Variants in PTPN2 observed in about 807,000 individuals in gnomAD.
The protein encoded by PTPN2 is tyrosine-protein phosphatase non-receptor type 2.
In PTPN2, 19 loss-of-function variants were observed where a neutral mutation model predicts 57.3. The ratio of observed to expected loss-of-function variants is 0.33; its 90% CI spans 0.23 to 0.49. The LOEUF is 0.49. Among genes scored for constraint, PTPN2 ranks in the 20% least tolerant of loss-of-function variants. The pLI is 0.99. For synonymous variants in PTPN2, 153 were observed against 164.9 expected (o/e 0.93, Z 0.55); for missense variants, 358 against 501.1 (o/e 0.71, Z 2.73).
chr18:12,808,327 A>T (rs1306996719), intron 7 of PTPN2, among the ~76,000 whole-genome samples: 1 of 151,982 alleles, frequency 6.6e-6, no homozygotes, highest in Non-Finnish European at 1.5e-5. Flanking sequence ...TTAAATAGAG[A>T]TTTCAAAATA....
chr18:12,871,524 G>A (rs1027368422), intron 1 of PTPN2, among the ~76,000 whole-genome samples: 1 of 151,522 alleles, frequency 6.6e-6, no homozygotes, highest in Non-Finnish European at 1.5e-5. Flanking sequence ...GTTATATATT[G>A]AAAATATTTA....
chr18:12,795,361 T>C (rs1301042934), intron 8 of PTPN2, among the ~76,000 whole-genome samples: 1 of 152,200 alleles, frequency 6.6e-6, no homozygotes, highest in Non-Finnish European at 1.5e-5. Flanking sequence ...TGGCACGATC[T>C]TGGCTCACTG....
chr18:12,879,865 A>G (rs1480349359), intron 1 of PTPN2, among the ~76,000 whole-genome samples: 1 of 152,182 alleles, frequency 6.6e-6, no homozygotes, highest in Non-Finnish European at 1.5e-5. Flanking sequence ...AAAAAGCACA[A>G]CTCTTCAAAA....
In PTPN2 at chr18:12,792,887, G is replaced by A. The variant is rs543114496; in HGVS notation, c.*1391C>T. Reference sequence around the variant, plus strand: ...ATTACAGGCATGAGCCACCGCGCCCGACCAAACTGTTTTTAAATGATAACT... The same window carrying A: ...ATTACAGGCATGAGCCACCGCGCCCAACCAAACTGTTTTTAAATGATAACT... On this transcript the variant is annotated 3_prime_UTR_variant, in exon 9 of 9. Coordinates refer to ENST00000309660, the MANE Select transcript of PTPN2 (RefSeq NM_002828.4). 6 of 979,480 alleles carry A rather than the reference G, an allele frequency of 6.1e-6. No homozygotes were observed. The highest frequency in any genetic ancestry group is 2.3e-4 in the East Asian group (2 of 8,800). The allele number at this position is 979,480 out of a possible 1,614,324, so 60.7% of individuals were successfully genotyped here. A position where few individuals can be genotyped will look rare whatever the true frequency, so the allele number is the denominator to read the frequency against.
chr18:12,787,037 A>G (rs1201291209), intron 9 of PTPN2: 3 of 152,224 alleles, frequency 2.0e-5, no homozygotes, highest in African/African-American at 4.8e-5. Flanking sequence ...TTTTTAAAAT[A>G]AGCAACTCAA....
chr18:12,849,811 T>C (rs1163115985), intron 2 of PTPN2, among the ~76,000 whole-genome samples: 1 of 152,136 alleles, frequency 6.6e-6, no homozygotes, highest in Non-Finnish European at 1.5e-5. Context: ...CTCTTCAGAC[T>C]CTACTTCTGC....
chr18:12,848,847 T>A (rs954113499), intron 2 of PTPN2, among the ~76,000 whole-genome samples: 1 of 152,244 alleles, frequency 6.6e-6, no homozygotes. Flanking sequence ...ATACTTTTAT[T>A]CCTCTTACTG....
At position 12,797,118 on chromosome 18, in the gene PTPN2, T is replaced by C. The variant is rs917631906; in HGVS notation, c.1041-2633A>G. On this transcript the variant is annotated intron_variant, in intron 8 of 8. Coordinates refer to ENST00000309660, the MANE Select transcript of PTPN2 (RefSeq NM_002828.4). ...AAATTCACTATCACAAATATGCATG[T>C]ACCTGTTAGTGAAAACATTTGTGTT... 2.6e-5 allele frequency among the ~76,000 whole-genome samples: 4 copies of C among 152,232 alleles called. No individual in the cohort carries two copies. In the South Asian group the frequency reaches 6.2e-4, roughly 24 times the overall value.
At chr18:12,839,805 G>A (rs1568133880) in intron 2 of PTPN2, among the ~76,000 whole-genome samples, 1 of 151,950 alleles carries the variant, frequency 6.6e-6, no homozygotes. Flanking sequence ...TTCTGACAAG[G>A]AGTCCCTTCA....
intron 8 of PTPN2, among the ~76,000 whole-genome samples, chr18:12,797,717 C>T (rs1385509278): frequency 6.6e-6 from 1 of 152,092 alleles, no homozygotes; most frequent in South Asian, 2.1e-4. Context: ...CAGGTTTTCC[C>T]GTATATTTAT....
At chr18:12,794,900 G>C (rs2041112114) in intron 8 of PTPN2, among the ~76,000 whole-genome samples, 1 of 152,204 alleles carries the variant, frequency 6.6e-6, no homozygotes, top group Non-Finnish European at 1.5e-5. Context: ...TGAGATTACA[G>C]GTGTGAGCCA....
intron 1 of PTPN2, among the ~76,000 whole-genome samples, chr18:12,876,294 A>AC (rs1190202871): frequency 4.2e-5 from 6 of 142,480 alleles, no homozygotes; most frequent in Non-Finnish European, 9.1e-5. Context: ...GAACAACAAC[A>AC]AAAAGAAGAA....
chr18:12,796,812 C>T (rs1056095782), intron 8 of PTPN2, among the ~76,000 whole-genome samples: 9 of 152,190 alleles, frequency 5.9e-5, no homozygotes, highest in African/African-American at 2.2e-4. Context: ...TATCTTGCTC[C>T]ACCCCCTCTA....
chr18:12,831,843 G>A (rs2042680363), intron 3 of PTPN2, among the ~76,000 whole-genome samples: 1 of 152,210 alleles, frequency 6.6e-6, no homozygotes, highest in South Asian at 2.1e-4. Flanking sequence ...AATATTTCAT[G>A]TATTTCCAAT....
chr18:12,795,013 G>T (rs1287644255), intron 8 of PTPN2, among the ~76,000 whole-genome samples: 1 of 152,114 alleles, frequency 6.6e-6, no homozygotes, highest in African/African-American at 2.4e-5. Context: ...CTTTTAGTGG[G>T]ACCTGAAAAT....
intron 1 of PTPN2, among the ~76,000 whole-genome samples, chr18:12,870,333 A>ACG (rs2044168172): frequency 1.6e-5 from 1 of 61,936 alleles, no homozygotes; most frequent in Non-Finnish European, 2.7e-5. Flanking sequence ...ATATATATGT[A>ACG]TATATATACA....
At chr18:12,809,128 A>G (rs2041802446) in intron 7 of PTPN2, among the ~76,000 whole-genome samples, 1 of 152,184 alleles carries the variant, frequency 6.6e-6, no homozygotes, top group Non-Finnish European at 1.5e-5. Context: ...AACACCCTCC[A>G]GCATGCCTCT....
rs190333376 is a variant in PTPN2 at position 12,865,092 on chromosome 18, G to A, written c.70-5838C>T. ...TCAAGAGAATCACAGAATTCAGAAG[G>A]ATATCTTTAAGCAGACATTCATAGA... On this transcript the variant is annotated intron_variant, in intron 1 of 8. Transcript: ENST00000309660. Among the ~76,000 whole-genome samples, 49 of 152,208 alleles carry A rather than the reference G, an allele frequency of 3.2e-4. 1 individual carries two copies. The highest frequency in any genetic ancestry group is 8.3e-4 in the South Asian group (4 of 4,832).
chr18:12,839,004 T>C (rs914076852), intron 2 of PTPN2, among the ~76,000 whole-genome samples: 2 of 151,692 alleles, frequency 1.3e-5, no homozygotes, highest in African/African-American at 4.8e-5. Context: ...TTGAAAAAGA[T>C]TAATATAAAA....
Sources: allele counts gnomAD v4.1 joint callset (sites outside exome capture counted in the v4.1 genomes callset), GRCh38; gene constraint gnomAD v4.1.1; transcripts MANE v1.5; gene names NCBI Gene and HGNC (gene_info 2026-07-23, HGNC 2026-07-21).